Variants in GTF2H1 observed in about 807,000 individuals in gnomAD.
GTF2H1 encodes the protein general transcription factor IIH subunit 1.
In GTF2H1, 16 loss-of-function variants were observed where a neutral mutation model predicts 71.2. The ratio of observed to expected loss-of-function variants is 0.22; its 90% confidence interval spans 0.15 to 0.34. The LOEUF is 0.34. Ranked by LOEUF, GTF2H1 falls within the 10% of genes least tolerant of loss-of-function variation. The pLI, the probability that GTF2H1 is intolerant of heterozygous loss-of-function variation, is 1.00. For missense variants in GTF2H1, 498 were observed against 648.2 expected, an observed-to-expected ratio of 0.77 and a Z score of 2.52; for synonymous variants, 215 against 219.0, an observed-to-expected ratio of 0.98 and a Z score of 0.16.
At position 18,358,212 on chromosome 11, in the gene GTF2H1, A is replaced by C. The variant is rs569070308; in HGVS notation, c.1351+170A>C. The C allele has an allele frequency of 1.1e-4, 70 of 618,482 alleles. No individual in the cohort carries two copies. The Admixed American group carries it at 2.0e-3, about 18-fold the overall frequency. The allele number at this position is 618,482 out of a possible 1,614,324, so 38.3% of individuals were successfully genotyped here. A position where few individuals can be genotyped will look rare whatever the true frequency, so the allele number is the denominator to read the frequency against. ...CTGAAACACATCTAGACAAGATCTT[A>C]GGTTTCAGAACCGTCTTACTATTAC... On this transcript the variant is annotated intron_variant, in intron 12 of 14. Coordinates refer to ENST00000265963, the MANE Select transcript of GTF2H1 (RefSeq NM_005316.4).
At chr11:18,334,271 T>G (rs963421046) in intron 2 of GTF2H1, among the ~76,000 whole-genome samples, 1 of 152,068 alleles carries the variant, frequency 6.6e-6, no homozygotes, top group Non-Finnish European at 1.5e-5. Context: ...TCCCAGCTCC[T>G]CGGGAGCCTG....
rs1865152790 is a variant in GTF2H1, at chr11:18,341,416, T to C, written c.757+6T>C. On this transcript the variant is annotated splice_donor_region_variant and intron_variant, in intron 6 of 14. Transcript: ENST00000265963. ...TGCCAAAATAGATGAAAAAGGTAAC[T>C]GTTTATCTCTGATAGACACTGGTAT... 1 of 1,613,518 alleles carries C rather than the reference T, an allele frequency of 6.2e-7. No homozygotes were observed. The highest frequency in any genetic ancestry group is 1.3e-5 in the African/African-American group (1 of 74,930).
intron 6 of GTF2H1, 48 bp downstream of exon 6, chr11:18,341,458 T>C: frequency 6.2e-7 from 1 of 1,607,902 alleles, no homozygotes; most frequent in Non-Finnish European, 8.5e-7. Flanking sequence ...TGCCACCCTC[T>C]AGACATTATA....
chr11:18,350,473 ATG>A (rs1865398352), intron 9 of GTF2H1, among the ~76,000 whole-genome samples: 1 of 151,990 alleles, frequency 6.6e-6, no homozygotes, highest in Non-Finnish European at 1.5e-5. Context: ...CTAGGTAAGG[ATG>A]TGTTTCTCTG....
chr11:18,351,900 T>C lies in GTF2H1; in HGVS notation c.1073T>C (p.Ile358Thr), dbSNP rs199746663. 5 of 1,564,808 alleles carry C rather than the reference T, an allele frequency of 3.2e-6. No individual in the cohort carries two copies. In the African/African-American group the frequency reaches 5.4e-5, roughly 17 times the overall value. ...AVKRAKLQES[I>T]EYEDLGKNNS... Reference sequence around the variant, plus strand: ...TTATAGGCGAAATTACAAGAGTCCATTGAATATGAAGACTTGGGGAAAAAT... The same window carrying C: ...TTATAGGCGAAATTACAAGAGTCCACTGAATATGAAGACTTGGGGAAAAAT... The change falls in exon 10 of 15, where the codon ATT becomes ACT. Residue 358 changes from isoleucine (I) to threonine (T), a missense_variant. Coordinates refer to ENST00000265963, the MANE Select transcript of GTF2H1 (RefSeq NM_005316.4).
At chr11:18,365,288 G>A (rs1865795388) in intron 14 of GTF2H1, among the ~76,000 whole-genome samples, 2 of 152,048 alleles carry the variant, frequency 1.3e-5, no homozygotes, top group African/African-American at 4.8e-5. Flanking sequence ...TGAGACATGA[G>A]AACTGCTTGG....
rs183105992 is a variant in GTF2H1, at chr11:18,366,707, T to C, written c.*838T>C. 1.3e-5 allele frequency: 2 copies of C among 152,682 alleles called. No individual in the cohort carries two copies. Among genetic ancestry groups the C allele is most frequent in the Admixed American group, 6.6e-5 (1 of 15,236 alleles). The allele number at this position is 152,682 out of a possible 1,614,324, so 9.5% of individuals were successfully genotyped here. A position where few individuals can be genotyped will look rare whatever the true frequency, so the allele number is the denominator to read the frequency against. ...AGATTTTTTTAAGATGGCATGTGCTTTGAAAAGAAGATATTGCATTTTTAA... is the reference window on the plus strand; with the variant it reads ...AGATTTTTTTAAGATGGCATGTGCTCTGAAAAGAAGATATTGCATTTTTAA... On this transcript the variant is annotated 3_prime_UTR_variant, in exon 15 of 15. Coordinates refer to ENST00000265963, the MANE Select transcript of GTF2H1 (RefSeq NM_005316.4).
intron 7 of GTF2H1, among the ~76,000 whole-genome samples, chr11:18,346,725 T>C (rs1865302125): frequency 7.0e-6 from 1 of 143,098 alleles, no homozygotes; most frequent in Admixed American, 7.7e-5. Flanking sequence ...TTCTATTCTT[T>C]TTATTTACTT....
At chr11:18,338,402 T>C (rs909657633) in intron 4 of GTF2H1, 128 bp downstream of exon 4, 10 of 637,060 alleles carry the variant, frequency 1.6e-5, no homozygotes, top group Non-Finnish European at 2.5e-5. Flanking sequence ...TGAGTATCCA[T>C]GGTATTCTTC....
At chr11:18,358,694 G>T in intron 13 of GTF2H1, 54 bp downstream of exon 13, 1 of 1,129,740 alleles carries the variant, frequency 8.9e-7, no homozygotes, top group South Asian at 1.3e-5. Context: ...CTTACAAGAA[G>T]TTTTGAAATT....
intron 12 of GTF2H1, among the ~76,000 whole-genome samples, chr11:18,358,318 A>G (rs4150662): frequency 0.017 from 2,631 of 152,332 alleles, 56 homozygotes; most frequent in African/African-American, 0.052. Context: ...ATAAAGGGGA[A>G]ACCTGAAAGT....
intron 14 of GTF2H1, among the ~76,000 whole-genome samples, chr11:18,364,871 T>A (rs557298765): frequency 5.7e-4 from 87 of 152,246 alleles, no homozygotes; most frequent in African/African-American, 2.0e-3. Flanking sequence ...TTCTTGGGTC[T>A]CATCCCAGGC....
intron 7 of GTF2H1, among the ~76,000 whole-genome samples, chr11:18,343,415 A>G (rs1237597543): frequency 6.6e-6 from 1 of 152,174 alleles, no homozygotes; most frequent in Non-Finnish European, 1.5e-5. Flanking sequence ...TTATATAACC[A>G]ATCTTTTTAC....
intron 11 of GTF2H1, among the ~76,000 whole-genome samples, chr11:18,353,376 ACTCGAGT>A (rs1865471436): frequency 6.6e-6 from 1 of 152,066 alleles, no homozygotes; most frequent in Non-Finnish European, 1.5e-5. Context: ...CCAGCCCACT[ACTCGAGT>A]CTCATCTTCA....
In GTF2H1 at chr11:18,362,304, G is replaced by T. The variant is rs554505275; in HGVS notation, c.1560+1597G>T. 6.0e-4 allele frequency among the ~76,000 whole-genome samples: 92 copies of T among 152,242 alleles called. 2 individuals carry two copies. In the South Asian group the frequency reaches 0.011, roughly 17 times the overall value. Reference sequence around the variant, plus strand: ...GTAAAGGGCATTTACCATAAATAGAGCCTGCAGGACTGCAGGACTAGAAGT... The same window carrying T: ...GTAAAGGGCATTTACCATAAATAGATCCTGCAGGACTGCAGGACTAGAAGT... On this transcript the variant is annotated intron_variant, in intron 14 of 14. Transcript: ENST00000265963.
rs1373200054 is a variant in GTF2H1, at chr11:18,351,871, A to T, written c.1054-10A>T. ...TGACAAAATAAAAAGTACTGTGTTA[A>T]TAATTATAGGCGAAATTACAAGAGT... On this transcript the variant is annotated splice_polypyrimidine_tract_variant and intron_variant, in intron 9 of 14. Transcript: ENST00000265963. 1 of 1,402,514 alleles carries T rather than the reference A, an allele frequency of 7.1e-7. No homozygotes were observed. The highest frequency in any genetic ancestry group is 1.0e-6 in the Non-Finnish European group (1 of 990,312). The allele number at this position is 1,402,514 out of a possible 1,614,324, so 86.9% of individuals were successfully genotyped here. A position where few individuals can be genotyped will look rare whatever the true frequency, so the allele number is the denominator to read the frequency against.
At position 18,358,590 on chromosome 11, in the gene GTF2H1, C is replaced by T. The variant is rs1865622753; in HGVS notation, c.1417C>T (p.Arg473Ter). Residue 473 changes from arginine to a stop codon, truncating the protein, a stop_gained, in exon 13 of 15, where the codon CGA becomes TGA. Transcript: ENST00000265963. LOFTEE classifies it high-confidence loss of function. ...ATATGTAGCTGTTGGAGAACTTCTACGACATTTCTGGTCCTGCTTTCCTGT... is the reference window on the plus strand; with the variant it reads ...ATATGTAGCTGTTGGAGAACTTCTATGACATTTCTGGTCCTGCTTTCCTGT... ...HLYVAVGELL[R>*]HFWSCFPVNT... is the part of the protein sequence containing the mutation. The T allele has an allele frequency of 1.2e-6, 2 of 1,612,716 alleles. No homozygotes were observed. The highest frequency in any genetic ancestry group is 1.1e-5 in the South Asian group (1 of 91,042).
intron 9 of GTF2H1, chr11:18,348,929 A>T (rs915760876): frequency 1.3e-5 from 2 of 152,090 alleles, no homozygotes; most frequent in Admixed American, 6.6e-5. Context: ...CCCAGGCTGG[A>T]GTGCAGTGGT....
intron 1 of GTF2H1, among the ~76,000 whole-genome samples, chr11:18,326,821 G>T (rs528993529): frequency 6.6e-6 from 1 of 151,972 alleles, no homozygotes; most frequent in Non-Finnish European, 1.5e-5. Context: ...CAACTTCCCC[G>T]TCAGATCCTC....
Sources: allele counts gnomAD v4.1 joint callset (sites outside exome capture counted in the v4.1 genomes callset), GRCh38; gene constraint gnomAD v4.1.1; transcripts MANE v1.5; gene names NCBI Gene and HGNC (gene_info 2026-07-23, HGNC 2026-07-21).